TBC1D1: variants seen among roughly 807,000 people sequenced by gnomAD.
TBC1D1 encodes TBC1 (tre-2/USP6, BUB2, cdc16) domain family, member 1.
Under a neutral mutation model 125.6 loss-of-function variants are expected in TBC1D1, and 89 were observed. The observed-to-expected ratio is 0.71, with a 90% CI of 0.60 to 0.85. The LOEUF is 0.85. Among genes scored for constraint, TBC1D1 ranks in the 40% least tolerant of loss-of-function variants. The pLI is 0.00. For missense variants in TBC1D1, 1,377 were observed against 1,469.2 expected, an observed-to-expected ratio of 0.94 and a Z score of 1.03; for synonymous variants, 565 against 564.1, an observed-to-expected ratio of 1.00 and a Z score of -0.02.
chr4:38,132,979 G>T, intron 18 of TBC1D1, 105 bp from the exon 21 acceptor site: 1 of 912,762 alleles, frequency 1.1e-6, no homozygotes, highest in East Asian at 2.5e-5. Context: ...GCTAAGCGTA[G>T]AGGAGACGCT....
At chr4:38,005,149 T>C (rs1408246255) in intron 2 of TBC1D1, among the ~76,000 whole-genome samples, 1 of 152,178 alleles carries the variant, frequency 6.6e-6, no homozygotes, top group Non-Finnish European at 1.5e-5. Context: ...CTGGTTTGGA[T>C]TGGAGGCCCC....
intron 11 of TBC1D1, chr4:38,053,206 G>C (rs1317079777): frequency 6.6e-7 from 1 of 1,518,556 alleles, no homozygotes; most frequent in African/African-American, 1.4e-5. Context: ...TAACACCTCT[G>C]ATTTTATGAA....
At chr4:38,037,889 C>T (rs1169346476) in intron 8 of TBC1D1, among the ~76,000 whole-genome samples, 1 of 152,162 alleles carries the variant, frequency 6.6e-6, no homozygotes, top group African/African-American at 2.4e-5. Context: ...TCAGTTTGGG[C>T]AAGACTTATA....
chr4:38,088,324 A>G (rs1757886175), intron 12 of TBC1D1, among the ~76,000 whole-genome samples: 1 of 152,218 alleles, frequency 6.6e-6, no homozygotes, highest in African/African-American at 2.4e-5. Flanking sequence ...TATTTTTTCC[A>G]TCTTTCATTT....
chr4:38,092,871 G>A (rs2152542155), intron 13 of TBC1D1, among the ~76,000 whole-genome samples: 1 of 152,144 alleles, frequency 6.6e-6, no homozygotes, highest in African/African-American at 2.4e-5. Flanking sequence ...TTCCATCTTG[G>A]GGTGACTCAC....
At chr4:37,939,841 G>A (rs561671078) in intron 2 of TBC1D1, among the ~76,000 whole-genome samples, 28 of 152,142 alleles carry the variant, frequency 1.8e-4, no homozygotes, top group Non-Finnish European at 3.4e-4. Context: ...ATAGATGCAT[G>A]GTATTATTTC....
intron 11 of TBC1D1, 117 bp from the exon 13 acceptor site, chr4:38,052,989 T>C (rs1171487954): frequency 4.6e-6 from 3 of 654,078 alleles, no homozygotes; most frequent in Non-Finnish European, 6.7e-6. Context: ...ATTTCTTACC[T>C]AGTTTTCTTT....
In TBC1D1 at chr4:38,040,403, C is replaced by G. The variant is rs375357359; in HGVS notation, c.1414-3959C>G. Among the ~76,000 whole-genome samples the G allele has an allele frequency of 7.2e-5, 11 of 152,336 alleles. 1 individual carries two copies. Among genetic ancestry groups the G allele is most frequent in the African/African-American group, 2.2e-4 (9 of 41,586 alleles). On this transcript the variant is annotated intron_variant, in intron 8 of 19. Transcript: ENST00000261439. The stretch of plus-strand genomic sequence containing the variant: ...TCCCGGGTTCAAGCGATTCTCCTGC[C>G]TCAGCCTCCTGAGTAGCTGGGACTA...
intron 2 of TBC1D1, among the ~76,000 whole-genome samples, chr4:37,906,947 A>G (rs1485882508): frequency 6.6e-6 from 1 of 152,274 alleles, no homozygotes; most frequent in Non-Finnish European, 1.5e-5. Flanking sequence ...GTACTCTATT[A>G]GAAATTAAAA....
intron 12 of TBC1D1, among the ~76,000 whole-genome samples, chr4:38,072,805 C>T (rs1344427412): frequency 1.3e-5 from 2 of 152,188 alleles, no homozygotes; most frequent in Non-Finnish European, 2.9e-5. Context: ...AACCACCATT[C>T]TACTTTCTGT....
At chr4:37,896,535 C>A (rs758623785) in intron 1 of TBC1D1, among the ~76,000 whole-genome samples, 93 of 152,216 alleles carry the variant, frequency 6.1e-4, no homozygotes, top group Non-Finnish European at 9.6e-4. Flanking sequence ...ATAAGATTTA[C>A]CAGATTTTAG....
intron 14 of TBC1D1, among the ~76,000 whole-genome samples, chr4:38,096,918 G>C (rs1181085616): frequency 1.3e-5 from 2 of 152,054 alleles, no homozygotes; most frequent in Non-Finnish European, 2.9e-5. Context: ...CAGATAGTTT[G>C]AGAACCGCTA....
chr4:38,033,233 C>T (rs922758016), intron 7 of TBC1D1, among the ~76,000 whole-genome samples: 42 of 152,166 alleles, frequency 2.8e-4, no homozygotes, highest in African/African-American at 9.9e-4. Flanking sequence ...TGAAGAATTT[C>T]TCCAAGCACA....
chr4:38,007,276 G>A (rs777484209), intron 2 of TBC1D1, among the ~76,000 whole-genome samples: 6 of 151,304 alleles, frequency 4.0e-5, no homozygotes, highest in African/African-American at 7.3e-5. Flanking sequence ...TTTTTGAGAC[G>A]GAGTCTTGCT....
intron 12 of TBC1D1, among the ~76,000 whole-genome samples, chr4:38,086,155 A>G (rs951776134): frequency 4.4e-5 from 6 of 137,572 alleles, no homozygotes; most frequent in African/African-American, 1.5e-4. Flanking sequence ...GTTAATCGTA[A>G]ACTATAAAAA....
intron 2 of TBC1D1, among the ~76,000 whole-genome samples, chr4:37,968,667 T>C (rs535071636): frequency 6.6e-6 from 1 of 152,376 alleles, no homozygotes; most frequent in African/African-American, 2.4e-5. Context: ...CACCGTTTGC[T>C]CTGAAGACGG....
intron 17 of TBC1D1, among the ~76,000 whole-genome samples, chr4:38,123,604 T>A (rs1764198952): frequency 6.6e-6 from 1 of 152,194 alleles, no homozygotes; most frequent in Non-Finnish European, 1.5e-5. Flanking sequence ...AAGAAGGAAG[T>A]GAAGGATTCA....
chr4:38,070,140 C>T (rs1007619718), intron 12 of TBC1D1, among the ~76,000 whole-genome samples: 3 of 152,182 alleles, frequency 2.0e-5, no homozygotes, highest in Admixed American at 6.5e-5. Context: ...ATGAGAATCC[C>T]TAGCTTTGTA....
chr4:37,940,559 T>C (rs1027332543), intron 2 of TBC1D1, among the ~76,000 whole-genome samples: 3 of 152,206 alleles, frequency 2.0e-5, no homozygotes, highest in Non-Finnish European at 2.9e-5. Context: ...TCCAACACTA[T>C]GTTGAACAAG....
Sources: gnomAD v4.1 joint callset for allele counts (sites outside exome capture counted in the v4.1 genomes callset) on GRCh38, gnomAD v4.1.1 for gene constraint, MANE v1.5 for transcripts, NCBI Gene and HGNC (gene_info 2026-07-23, HGNC 2026-07-21) for gene names.